Variants in ACTR3 observed in about 807,000 individuals in gnomAD.
The protein encoded by ACTR3 is actin-related protein 3.
Under a neutral mutation model 56.8 loss-of-function variants are expected in ACTR3, and 12 were observed. That is an observed-to-expected ratio of 0.21 (90% CI 0.14 to 0.34). The LOEUF (loss-of-function observed/expected upper bound fraction) is 0.34, where lower values mean the gene tolerates loss of function less well. ACTR3 is among the 10% of genes least tolerant of loss of function. The probability of loss-of-function intolerance (pLI) is 1.00; values close to 1 mark genes in which losing one functional copy is unlikely to be tolerated. For missense variants in ACTR3, 282 were observed against 512.5 expected, an observed-to-expected ratio of 0.55 and a Z score of 4.34; for synonymous variants, 162 against 167.4, an observed-to-expected ratio of 0.97 and a Z score of 0.25.
At position 113,958,820 on chromosome 2, in the gene ACTR3, GAAAAT is replaced by G. The variant is rs1574389844; in HGVS notation, c.*1368_*1372del. ...TGAACACTTGAACTCCATTATTCAT[GAAAAT>G]AACACGTTAGGATTGGAATACGTCT... On this transcript the variant is annotated 3_prime_UTR_variant, in exon 12 of 12. Coordinates refer to ENST00000263238, the MANE Select transcript of ACTR3 (RefSeq NM_005721.5). 1 of 152,016 alleles carries G rather than the reference GAAAAT, an allele frequency of 6.6e-6. No individual in the cohort carries two copies. The highest frequency in any genetic ancestry group is 1.9e-4 in the East Asian group (1 of 5,172). 9.4% of individuals were successfully genotyped at this position (152,016 alleles called of 1,614,324 possible). A position where few individuals can be genotyped will look rare whatever the true frequency, so the allele number is the denominator to read the frequency against.
At chr2:113,900,208 G>A (rs537967272) in intron 1 of ACTR3, among the ~76,000 whole-genome samples, 1 of 151,928 alleles carries the variant, frequency 6.6e-6, no homozygotes, top group Admixed American at 6.5e-5. Context: ...ATGCCTGGAT[G>A]CCACTTATTG....
At chr2:113,923,730 TC>T (rs1369617090) in intron 3 of ACTR3, among the ~76,000 whole-genome samples, 5 of 143,730 alleles carry the variant, frequency 3.5e-5, no homozygotes, top group African/African-American at 1.4e-4. Flanking sequence ...CTTTCAGTTC[TC>T]CTTTTTTTTT....
At chr2:113,894,136 C>T (rs1353984358) in intron 1 of ACTR3, among the ~76,000 whole-genome samples, 3 of 151,548 alleles carry the variant, frequency 2.0e-5, no homozygotes, top group Non-Finnish European at 4.4e-5. Flanking sequence ...ATCGCCCAGG[C>T]TGGAGTGCAG....
intron 11 of ACTR3, among the ~76,000 whole-genome samples, chr2:113,956,706 G>A (rs1680219028): frequency 1.3e-5 from 2 of 152,144 alleles, no homozygotes; most frequent in African/African-American, 2.4e-5. Context: ...GGTAGTGCAT[G>A]CAATATTAAA....
At chr2:113,896,236 A>G (rs556822954) in intron 1 of ACTR3, among the ~76,000 whole-genome samples, 4 of 152,318 alleles carry the variant, frequency 2.6e-5, no homozygotes, top group South Asian at 2.1e-4. Context: ...TAAGGGCACA[A>G]TATATTTTAA....
At chr2:113,954,540 A>G (rs528538449) in intron 10 of ACTR3, 7 of 150,940 alleles carry the variant, frequency 4.6e-5, no homozygotes, top group Non-Finnish European at 1.0e-4. Flanking sequence ...CTGTAATATC[A>G]TAATATCAGT....
chr2:113,925,363 T>C (rs1679599275), intron 3 of ACTR3, among the ~76,000 whole-genome samples: 1 of 151,748 alleles, frequency 6.6e-6, no homozygotes, highest in African/African-American at 2.4e-5. Context: ...GCCTGGCTAA[T>C]TTTTGTATTT....
intron 1 of ACTR3, among the ~76,000 whole-genome samples, chr2:113,893,374 A>G (rs575525240): frequency 2.6e-5 from 4 of 151,808 alleles, no homozygotes; most frequent in East Asian, 3.9e-4. Flanking sequence ...GCTCACTGCA[A>G]CCTCCACCTC....
intron 6 of ACTR3, among the ~76,000 whole-genome samples, chr2:113,938,607 A>C (rs1488738292): frequency 2.0e-5 from 3 of 152,014 alleles, no homozygotes; most frequent in Non-Finnish European, 4.4e-5. Flanking sequence ...ACATCTTTCA[A>C]CTTTGGCTAG....
intron 8 of ACTR3, among the ~76,000 whole-genome samples, chr2:113,950,427 G>T (rs753638223): frequency 1.3e-5 from 2 of 152,184 alleles, no homozygotes; most frequent in Non-Finnish European, 2.9e-5. Context: ...AGATAGCAGA[G>T]TATCATCTTG....
intron 6 of ACTR3, among the ~76,000 whole-genome samples, chr2:113,936,861 T>C (rs1484809050): frequency 1.3e-5 from 2 of 152,202 alleles, no homozygotes; most frequent in Non-Finnish European, 2.9e-5. Context: ...TAGATGTCCA[T>C]CTTCTTTATA....
At chr2:113,916,285 A>G (rs1041562120) in intron 2 of ACTR3, among the ~76,000 whole-genome samples, 4 of 152,152 alleles carry the variant, frequency 2.6e-5, no homozygotes, top group African/African-American at 9.6e-5. Flanking sequence ...TTAGCTTTCA[A>G]ACTGTATGCT....
intron 6 of ACTR3, among the ~76,000 whole-genome samples, chr2:113,939,496 A>G (rs558819071): frequency 5.3e-5 from 8 of 152,192 alleles, no homozygotes; most frequent in Admixed American, 1.3e-4. Context: ...TTTGTGAATC[A>G]GTTCTACAGA....
chr2:113,929,135 TTTTTTGTTTTTG>T lies in ACTR3; in HGVS notation c.336+1692_336+1703del, dbSNP rs1234631756. ...TGAATACCTGGGCTATTTTTGTTTT[TTTTTTGTTTTTG>T]TTTTTGTTTTTTTAAGACAGGGTTT... On this transcript the variant is annotated intron_variant, in intron 4 of 11. Transcript: ENST00000263238. Among the ~76,000 whole-genome samples the T allele has an allele frequency of 2.6e-5, 4 of 151,998 alleles. No homozygotes were observed. The South Asian group carries it at 6.2e-4, about 24-fold the overall frequency.
intron 1 of ACTR3, among the ~76,000 whole-genome samples, chr2:113,896,162 GTT>G (rs1463651213): frequency 1.3e-5 from 2 of 152,056 alleles, no homozygotes; most frequent in African/African-American, 2.4e-5. Flanking sequence ...GCCCAGTTTT[GTT>G]TTGTTTTGTT....
intron 10 of ACTR3, chr2:113,953,634 CCAAA>C (rs946255835): frequency 9.2e-5 from 14 of 151,894 alleles, no homozygotes; most frequent in African/African-American, 2.7e-4. Flanking sequence ...TTAATGGCAA[CCAAA>C]CAGTTTTGAA....
chr2:113,908,105 G>C (rs1256605312), intron 1 of ACTR3, among the ~76,000 whole-genome samples: 1 of 151,168 alleles, frequency 6.6e-6, no homozygotes, highest in Non-Finnish European at 1.5e-5. Flanking sequence ...TAATAGGAAA[G>C]TCATTTGAAA....
chr2:113,935,983 T>A (rs1334822489), intron 6 of ACTR3, among the ~76,000 whole-genome samples: 1 of 152,082 alleles, frequency 6.6e-6, no homozygotes, highest in African/African-American at 2.4e-5. Context: ...AGAATGAGTT[T>A]TAGTAAGGAC....
chr2:113,923,745 T>C (rs1205873978), intron 3 of ACTR3, among the ~76,000 whole-genome samples: 3 of 151,872 alleles, frequency 2.0e-5, no homozygotes, highest in Non-Finnish European at 2.9e-5. Context: ...TTTTTTTTTT[T>C]TCTCTTCTCA....
Sources: gnomAD v4.1 joint callset for allele counts (sites outside exome capture counted in the v4.1 genomes callset) on GRCh38, gnomAD v4.1.1 for gene constraint, MANE v1.5 for transcripts, NCBI Gene and HGNC (gene_info 2026-07-23, HGNC 2026-07-21) for gene names.